Variants in SNRPN observed in about 807,000 individuals in gnomAD.
The protein encoded by SNRPN is small nuclear ribonucleoprotein polypeptide N, also known as small nuclear ribonucleoprotein-associated protein N.
In SNRPN, 7 loss-of-function variants were observed where a neutral mutation model predicts 25.2. The ratio of observed to expected loss-of-function variants is 0.28; its 90% confidence interval spans 0.16 to 0.52. SNRPN has a LOEUF of 0.52. SNRPN is among the 20% of genes least tolerant of loss of function. SNRPN has a pLI of 0.96. For synonymous variants in SNRPN, 124 were observed against 110.6 expected (o/e 1.12, Z -0.76); for missense variants, 196 against 322.5 (o/e 0.61, Z 3.00).
intron 2 of SNRPN, among the ~76,000 whole-genome samples, chr15:24,903,959 AGGAGGTG>A (rs1013131212): frequency 1.3e-5 from 2 of 151,822 alleles, no homozygotes; most frequent in Non-Finnish European, 2.9e-5. Flanking sequence ...ACCTGAGCCC[AGGAGGTG>A]GCAGTTGCAG....
intron 2 of SNRPN, among the ~76,000 whole-genome samples, chr15:24,900,701 C>A (rs112499954): frequency 3.9e-5 from 6 of 152,192 alleles, no homozygotes; most frequent in African/African-American, 1.4e-4. Context: ...TGGAAGAAAC[C>A]TGGGGAATGT....
At chr15:24,882,963 TCAAACA>T (rs1264924644) in intron 1 of SNRPN, among the ~76,000 whole-genome samples, 1 of 152,070 alleles carries the variant, frequency 6.6e-6, no homozygotes, top group African/African-American at 2.4e-5. Context: ...GGCAAAATCA[TCAAACA>T]CAAAGTCTAT....
chr15:24,836,606 T>C (rs1861117085), intron 2 of SNRPN, among the ~76,000 whole-genome samples: 1 of 151,902 alleles, frequency 6.6e-6, no homozygotes, highest in African/African-American at 2.4e-5. Flanking sequence ...AAAGATGGGG[T>C]TTCACCATGT....
intron 1 of SNRPN, among the ~76,000 whole-genome samples, chr15:24,867,507 TG>T (rs1264695126): frequency 1.3e-5 from 2 of 152,026 alleles, no homozygotes; most frequent in Non-Finnish European, 2.9e-5. Context: ...CCCGAGTAGC[TG>T]GGACTACAGG....
At chr15:24,843,741 C>T (rs1173488267) in intron 2 of SNRPN, among the ~76,000 whole-genome samples, 1 of 150,588 alleles carries the variant, frequency 6.6e-6, no homozygotes, top group Non-Finnish European at 1.5e-5. Flanking sequence ...GAGCCGAGAT[C>T]ATACCACTGC....
intron 2 of SNRPN, chr15:24,909,548 G>C: frequency 2.1e-6 from 3 of 1,442,486 alleles, no homozygotes; most frequent in South Asian, 2.3e-5. Flanking sequence ...ATAATTTGTC[G>C]GGCCAACCTT....
At chr15:24,832,864 T>C (rs1205085615) in intron 2 of SNRPN, among the ~76,000 whole-genome samples, 1 of 151,786 alleles carries the variant, frequency 6.6e-6, no homozygotes, top group East Asian at 1.9e-4. Flanking sequence ...CCCAGCACTT[T>C]GGGAGGCCGA....
intron 1 of SNRPN, among the ~76,000 whole-genome samples, chr15:24,829,108 T>A (rs1183314330): frequency 6.6e-6 from 1 of 152,118 alleles, no homozygotes; most frequent in African/African-American, 2.4e-5. Context: ...CTTTGTGAAA[T>A]TCAACATAAA....
intron 2 of SNRPN, among the ~76,000 whole-genome samples, chr15:24,895,060 G>T (rs952981): frequency 0.12 from 18,429 of 152,170 alleles, 1,183 homozygotes; most frequent in East Asian, 0.27. Context: ...AATGTAATGG[G>T]ACCAAAAGGT....
chr15:24,911,513 G>A (rs1015969242), intron 2 of SNRPN, among the ~76,000 whole-genome samples: 1 of 152,132 alleles, frequency 6.6e-6, no homozygotes, highest in East Asian at 1.9e-4. Context: ...TCATGTATCT[G>A]CTCCCTGAAG....
At chr15:24,966,194 AT>A (rs1034596237) in intron 2 of SNRPN, among the ~76,000 whole-genome samples, 2 of 152,168 alleles carry the variant, frequency 1.3e-5, no homozygotes, top group African/African-American at 4.8e-5. Context: ...CAGTCTATAG[AT>A]TCTGAGGTCC....
intron 2 of SNRPN, among the ~76,000 whole-genome samples, chr15:24,834,715 G>GTCCCTCTCTCTC (rs1555376580): frequency 2.7e-5 from 1 of 36,946 alleles, no homozygotes. Flanking sequence ...GTGAGACCTT[G>GTCCCTCTCTCTC]TCTCTCTCTC....
intron 4 of SNRPN, 45 bp from the exon 5 acceptor site, chr15:24,975,313 A>G (rs2076943481): frequency 1.3e-6 from 2 of 1,541,604 alleles, no homozygotes; most frequent in Non-Finnish European, 1.8e-6. Context: ...TTAGAAGACT[A>G]GGGTGTTGGC....
At chr15:24,867,949 CTTTTTA>C (rs1347604241) in intron 1 of SNRPN, among the ~76,000 whole-genome samples, 11 of 151,794 alleles carry the variant, frequency 7.2e-5, no homozygotes, top group African/African-American at 2.7e-4. Flanking sequence ...ATTATATTTT[CTTTTTA>C]TTTTTAAATA....
chr15:24,964,536 C>T lies in SNRPN; in HGVS notation c.-295+2327C>T, dbSNP rs376768362. Among the ~76,000 whole-genome samples the T allele has an allele frequency of 4.7e-4, 71 of 152,178 alleles. No individual in the cohort carries two copies. In the Middle Eastern group the frequency reaches 0.017, roughly 36 times the overall value. ...CTCGAACTCCCGACCTCAGATGATCCGCCCGCCTTGGTTTCTTTCCCAAAG... is the reference window on the plus strand; with the variant it reads ...CTCGAACTCCCGACCTCAGATGATCTGCCCGCCTTGGTTTCTTTCCCAAAG... On this transcript the variant is annotated intron_variant, in intron 2 of 9. Transcript: ENST00000390687.
chr15:24,898,933 G>A (rs887426195), intron 2 of SNRPN, among the ~76,000 whole-genome samples: 38 of 152,150 alleles, frequency 2.5e-4, no homozygotes, highest in Admixed American at 1.4e-3. Flanking sequence ...AACAGGTGGC[G>A]AGGCTGTGGG....
chr15:24,963,807 G>A (rs1447850020), intron 2 of SNRPN, among the ~76,000 whole-genome samples: 1 of 152,010 alleles, frequency 6.6e-6, no homozygotes, highest in African/African-American at 2.4e-5. Context: ...GGGAGGCTGA[G>A]GTGGATCACT....
At chr15:24,854,896 C>T (rs1474007417), upstream of SNRPN, among the ~76,000 whole-genome samples, 1 of 151,676 alleles carries the variant, frequency 6.6e-6, no homozygotes. Flanking sequence ...TCACCATACT[C>T]GGGAGGCTGA....
chr15:24,893,717 T>C (rs1430273039), intron 2 of SNRPN, among the ~76,000 whole-genome samples: 1 of 152,094 alleles, frequency 6.6e-6, no homozygotes, highest in East Asian at 1.9e-4. Flanking sequence ...AATGTACCCG[T>C]TACAAGTGAC....
Sources: allele counts gnomAD v4.1 joint callset (sites outside exome capture counted in the v4.1 genomes callset), GRCh38; gene constraint gnomAD v4.1.1; transcripts MANE v1.5; gene names NCBI Gene and HGNC (gene_info 2026-07-23, HGNC 2026-07-21).